PIK3C2A: variants seen among roughly 807,000 people sequenced by gnomAD.
PIK3C2A encodes the protein phosphatidylinositol-4-phosphate 3-kinase catalytic subunit type 2 alpha.
A neutral mutation model predicts 204.5 loss-of-function variants in PIK3C2A; 97 were observed. The ratio of observed to expected loss-of-function variants is 0.47; its 90% CI spans 0.40 to 0.56. PIK3C2A has a LOEUF of 0.56. Among genes scored for constraint, PIK3C2A ranks in the 20% least tolerant of loss-of-function variants. The pLI is 0.00. For synonymous variants in PIK3C2A, 653 were observed against 664.4 expected (o/e 0.98, Z 0.26); for missense variants, 1,735 against 1,969.2 (o/e 0.88, Z 2.25).
chr11:17,115,557 A>G (rs1175252651), intron 19 of PIK3C2A: 1 of 151,760 alleles, frequency 6.6e-6, no homozygotes, highest in Non-Finnish European at 1.5e-5. Context: ...AAAGGAAAAA[A>G]AAAAAAAAAA....
intron 8 of PIK3C2A, among the ~76,000 whole-genome samples, chr11:17,137,401 A>G (rs1026089388): frequency 3.6e-5 from 4 of 110,064 alleles, no homozygotes; most frequent in Non-Finnish European, 7.5e-5. Flanking sequence ...CCATTCTCCT[A>G]TATTACTTCA....
intron 6 of PIK3C2A, 96 bp from the exon 7 acceptor site, chr11:17,146,038 C>A: frequency 1.2e-6 from 1 of 805,810 alleles, no homozygotes. Context: ...AATCTTGCAA[C>A]TAAAGTGTTT....
chr11:17,097,520 C>G (rs533316808), intron 26 of PIK3C2A, among the ~76,000 whole-genome samples: 7 of 152,264 alleles, frequency 4.6e-5, no homozygotes, highest in Non-Finnish European at 7.4e-5. Context: ...AATTAAAGAG[C>G]TATTATAGAT....
At chr11:17,116,902 T>C (rs979032663) in intron 19 of PIK3C2A, among the ~76,000 whole-genome samples, 6 of 152,252 alleles carry the variant, frequency 3.9e-5, no homozygotes, top group Admixed American at 2.6e-4. Context: ...AGTATTATTA[T>C]TAATAGTCAA....
At chr11:17,110,328 A>G (rs1055768895) in intron 22 of PIK3C2A, 104 bp downstream of exon 22, 1 of 762,404 alleles carries the variant, frequency 1.3e-6, no homozygotes, top group African/African-American at 1.8e-5. Flanking sequence ...AATAAGAAAC[A>G]ACTGTGATAC....
chr11:17,206,692 C>G (rs1852590896), intron 1 of PIK3C2A, among the ~76,000 whole-genome samples: 1 of 152,092 alleles, frequency 6.6e-6, no homozygotes, highest in Non-Finnish European at 1.5e-5. Flanking sequence ...TACAAAGTCT[C>G]TCCTGGAATT....
At chr11:17,134,287 T>C (rs1849799014) in intron 11 of PIK3C2A, among the ~76,000 whole-genome samples, 1 of 151,866 alleles carries the variant, frequency 6.6e-6, no homozygotes. Flanking sequence ...CTCACTGCAG[T>C]CTTCATTTCC....
chr11:17,204,328 C>T (rs1852489658), intron 1 of PIK3C2A: 1 of 152,164 alleles, frequency 6.6e-6, no homozygotes, highest in South Asian at 2.1e-4. Flanking sequence ...CCATTTTTGG[C>T]TCACATATTT....
chr11:17,179,618 T>G (rs1490776093), intron 1 of PIK3C2A, among the ~76,000 whole-genome samples: 1 of 152,152 alleles, frequency 6.6e-6, no homozygotes, highest in Non-Finnish European at 1.5e-5. Flanking sequence ...ACAAAAAGAT[T>G]AAATTTTTAA....
intron 2 of PIK3C2A, among the ~76,000 whole-genome samples, chr11:17,160,608 T>C (rs777623930): frequency 2.6e-5 from 4 of 152,104 alleles, no homozygotes; most frequent in Non-Finnish European, 5.9e-5. Context: ...TGGATAGCTC[T>C]AGTCCAGGAG....
rs770906529 is a variant in PIK3C2A at position 17,139,233 on chromosome 11, C to CT, written c.1705-2609dup. 7.8e-3 allele frequency among the ~76,000 whole-genome samples: 1,038 copies of CT among 132,974 alleles called. 5 individuals are homozygous for CT. The highest frequency in any genetic ancestry group is 0.012 in the Middle Eastern group (2 of 164). The allele number at this position is 132,974 out of a possible 152,430, so 87.2% of individuals were successfully genotyped here. A position where few individuals can be genotyped will look rare whatever the true frequency, so the allele number is the denominator to read the frequency against. On this transcript the variant is annotated intron_variant, in intron 8 of 32. Transcript: ENST00000691414. The stretch of plus-strand genomic sequence containing the variant: ...CGGCCTAATGATTCTTTAAATTTCC[C>CT]TTTTTTTTTTTTGAGGTGGAATCTC...
intron 1 of PIK3C2A, among the ~76,000 whole-genome samples, chr11:17,190,905 T>C (rs1260976324): frequency 6.6e-6 from 1 of 151,758 alleles, no homozygotes; most frequent in East Asian, 1.9e-4. Flanking sequence ...GTAGAGAGAA[T>C]GAAACAGAAG....
intron 1 of PIK3C2A, among the ~76,000 whole-genome samples, chr11:17,198,264 C>T (rs181549027): frequency 1.3e-3 from 191 of 152,154 alleles, no homozygotes; most frequent in African/African-American, 4.4e-3. Flanking sequence ...TGCCCGCCAC[C>T]ACACCCGGCT....
chr11:17,111,593 T>A (rs1056835559), intron 21 of PIK3C2A, among the ~76,000 whole-genome samples: 1 of 152,064 alleles, frequency 6.6e-6, no homozygotes, highest in African/African-American at 2.4e-5. Flanking sequence ...ATATTAAAAC[T>A]TGGCTGGGCA....
At chr11:17,145,427 G>C (rs1467831454) in intron 8 of PIK3C2A, among the ~76,000 whole-genome samples, 1 of 152,136 alleles carries the variant, frequency 6.6e-6, no homozygotes, top group Admixed American at 6.6e-5. Context: ...CCGTTCACTT[G>C]ACACTCATTC....
At chr11:17,097,517 G>C (rs1848487787) in intron 26 of PIK3C2A, among the ~76,000 whole-genome samples, 1 of 152,198 alleles carries the variant, frequency 6.6e-6, no homozygotes, top group Non-Finnish European at 1.5e-5. Flanking sequence ...ACTAATTAAA[G>C]AGCTATTATA....
chr11:17,117,725 T>TTC, intron 18 of PIK3C2A, 54 bp from the exon 19 acceptor site: 1 of 1,190,936 alleles, frequency 8.4e-7, no homozygotes, highest in East Asian at 2.4e-5. Flanking sequence ...TTTTTTTTTT[T>TTC]TTTTTTTGAG....
chr11:17,110,671 C>T, intron 21 of PIK3C2A, 110 bp from the exon 22 acceptor site: 3 of 862,474 alleles, frequency 3.5e-6, no homozygotes, highest in Non-Finnish European at 5.2e-6. Flanking sequence ...GTGGGCAGAA[C>T]ACCTGAGGTC....
chr11:17,193,908 AAAAGAAAAG>A (rs1467001878), intron 1 of PIK3C2A: 1 of 243,328 alleles, frequency 4.1e-6, no homozygotes, highest in Non-Finnish European at 7.4e-6. Flanking sequence ...AAAAGAAAAG[AAAAGAAAAG>A]AAACCCCGAT....
Sources: gnomAD v4.1 joint callset for allele counts (sites outside exome capture counted in the v4.1 genomes callset) on GRCh38, gnomAD v4.1.1 for gene constraint, MANE v1.5 for transcripts, NCBI Gene and HGNC (gene_info 2026-07-23, HGNC 2026-07-21) for gene names.